Variants in LARGE1 observed in about 807,000 individuals in gnomAD.
LARGE1 encodes the protein xylosyl- and glucuronyltransferase LARGE1.
In LARGE1, 43 loss-of-function variants were observed where a neutral mutation model predicts 87.6. The ratio of observed to expected loss-of-function variants is 0.49; its 90% CI spans 0.38 to 0.63. LARGE1 has a LOEUF of 0.63. Ranked by LOEUF, LARGE1 falls within the 30% of genes least tolerant of loss-of-function variation. The probability of loss-of-function intolerance (pLI) is 0.00; values close to 1 mark genes in which losing one functional copy is unlikely to be tolerated. For missense variants in LARGE1, 802 were observed against 1,000.2 expected (o/e 0.80, Z 2.67); for synonymous variants, 434 against 394.6 (o/e 1.10, Z -1.18).
At chr22:33,195,756 C>CG (rs1924036220) in intron 11 of LARGE1, among the ~76,000 whole-genome samples, 1 of 130,734 alleles carries the variant, frequency 7.6e-6, no homozygotes, top group South Asian at 2.5e-4. Context: ...TTTCTTTTTT[C>CG]TTTTTTTTTT....
chr22:33,306,861 C>CA (rs200525916), intron 11 of LARGE1, among the ~76,000 whole-genome samples: 28,971 of 101,044 alleles, frequency 0.29, 4,439 homozygotes, highest in African/African-American at 0.5. Context: ...GAATCTGTCT[C>CA]AAAAAAAAAA....
chr22:33,283,057 T>C (rs1930768317), intron 13 of LARGE1, 145 bp downstream of exon 13: 4 of 1,000,402 alleles, frequency 4.0e-6, no homozygotes, highest in Non-Finnish European at 4.8e-6. Context: ...ACAAGGACGT[T>C]GTCTGGAGAA....
At chr22:33,844,995 G>A (rs9609877) in intron 1 of LARGE1, among the ~76,000 whole-genome samples, 24,886 of 151,822 alleles carry the variant, frequency 0.16, 2,156 homozygotes, top group Middle Eastern at 0.25. Context: ...TGGGATTACA[G>A]ACGTGAGCTA....
At chr22:33,399,228 C>G (rs780166020) in intron 7 of LARGE1, among the ~76,000 whole-genome samples, 2 of 151,720 alleles carry the variant, frequency 1.3e-5, no homozygotes, top group Non-Finnish European at 2.9e-5. Flanking sequence ...CGAGTGAGAA[C>G]AGGTGGTACT....
intron 1 of LARGE1, among the ~76,000 whole-genome samples, chr22:33,863,699 C>T (rs542971236): frequency 2.8e-4 from 42 of 151,034 alleles, no homozygotes; most frequent in African/African-American, 9.3e-4. Flanking sequence ...ACCCAGGAGG[C>T]GGAGGTTGCA....
the LARGE1 span, among the ~76,000 whole-genome samples, chr22:33,130,301 G>C: frequency 9.1e-5 from 8 of 87,612 alleles, no homozygotes. Flanking sequence ...GCGAAAGAGT[G>C]AGATTCCGTC....
chr22:33,123,809 G>A, the LARGE1 span, among the ~76,000 whole-genome samples: 2,673 of 152,298 alleles, frequency 0.018, 87 homozygotes, highest in African/African-American at 0.061. Flanking sequence ...CTGTCTGCAG[G>A]AGCCAAAATG....
chr22:33,779,429 G>A (rs993345285), intron 1 of LARGE1, among the ~76,000 whole-genome samples: 3 of 152,220 alleles, frequency 2.0e-5, no homozygotes, highest in Admixed American at 6.5e-5. Flanking sequence ...CTTGTAATCT[G>A]GCACCCAGCA....
Position 33,461,651 on chromosome 22 carries a change from A to G in LARGE1, c.788-29386T>C, listed in dbSNP as rs185853688. ...CATGTACCCTAGAACTTAAAGTATA[A>G]TTTAAAAAAAAAAAGAAAAAAGAAA... On this transcript the variant is annotated intron_variant, in intron 6 of 14. Coordinates refer to ENST00000397394, the MANE Select transcript of LARGE1 (RefSeq NM_133642.5). Among the ~76,000 whole-genome samples the G allele has an allele frequency of 2.0e-3, 295 of 151,012 alleles. 2 individuals are homozygous for G. The highest frequency in any genetic ancestry group is 3.3e-3 in the Non-Finnish European group (227 of 67,798).
intron 7 of LARGE1, among the ~76,000 whole-genome samples, chr22:33,396,452 A>G (rs2065743313): frequency 6.9e-6 from 1 of 144,608 alleles, no homozygotes; most frequent in African/African-American, 2.7e-5. Context: ...AGTGAGAGAC[A>G]GAGAGAGTGA....
chr22:33,394,210 T>C lies in LARGE1; in HGVS notation c.893-9906A>G, dbSNP rs1042785440. On this transcript the variant is annotated intron_variant, in intron 7 of 14. Coordinates refer to ENST00000397394, the MANE Select transcript of LARGE1 (RefSeq NM_133642.5). Reference sequence around the variant, plus strand: ...ATGACCTCTGATTCTTTTTTTTTTTTTTTTTTGAGACAGAGTCTCGCTCTG... The same window carrying C: ...ATGACCTCTGATTCTTTTTTTTTTTCTTTTTTGAGACAGAGTCTCGCTCTG... Among the ~76,000 whole-genome samples the C allele has an allele frequency of 2.3e-3, 342 of 151,020 alleles. 1 individual carries two copies. The highest frequency in any genetic ancestry group is 8.1e-3 in the African/African-American group (332 of 41,212).
intron 11 of LARGE1, among the ~76,000 whole-genome samples, chr22:33,229,584 A>C (rs1925903889): frequency 6.6e-6 from 1 of 152,164 alleles, no homozygotes; most frequent in African/African-American, 2.4e-5. Flanking sequence ...TAAGGAAATA[A>C]AGTAGAATTT....
chr22:33,469,280 C>G (rs2068735331), intron 6 of LARGE1, among the ~76,000 whole-genome samples: 2 of 152,162 alleles, frequency 1.3e-5, no homozygotes, highest in Non-Finnish European at 2.9e-5. Flanking sequence ...TGGAATCAAC[C>G]TAGATGCCCA....
intron 5 of LARGE1, among the ~76,000 whole-genome samples, chr22:33,595,502 G>C (rs542539884): frequency 6.6e-6 from 1 of 152,324 alleles, no homozygotes; most frequent in East Asian, 1.9e-4. Context: ...GCACATTTAA[G>C]CAAGTCAGCA....
chr22:33,774,536 T>C (rs765686722), intron 1 of LARGE1, among the ~76,000 whole-genome samples: 1 of 149,996 alleles, frequency 6.7e-6, no homozygotes, highest in Non-Finnish European at 1.5e-5. Flanking sequence ...TTTGTATTTT[T>C]AGTAGAGATG....
chr22:33,891,923 G>A (rs182036580), intron 1 of LARGE1, among the ~76,000 whole-genome samples: 55 of 152,234 alleles, frequency 3.6e-4, no homozygotes, highest in African/African-American at 1.3e-3. Context: ...TAGGATCCTA[G>A]TCTAATAGTT....
chr22:33,461,613 T>G (rs1190287795), intron 6 of LARGE1, among the ~76,000 whole-genome samples: 2 of 147,296 alleles, frequency 1.4e-5, no homozygotes, highest in Non-Finnish European at 3.0e-5. Flanking sequence ...GTAACAAACC[T>G]GCATGTTGTG....
At chr22:33,732,584 G>GAC (rs2083510025) in intron 2 of LARGE1, 1 of 152,338 alleles carries the variant, frequency 6.6e-6, no homozygotes, top group Admixed American at 6.5e-5. Flanking sequence ...TTGAGTCACT[G>GAC]ACACATGCAC....
chr22:33,599,395 T>A (rs2079059097), intron 5 of LARGE1, among the ~76,000 whole-genome samples: 2 of 152,042 alleles, frequency 1.3e-5, no homozygotes, highest in Admixed American at 6.5e-5. Flanking sequence ...AGGAGCTGCA[T>A]GTTTTGAGTG....
Sources: allele counts gnomAD v4.1 joint callset (sites outside exome capture counted in the v4.1 genomes callset), GRCh38; gene constraint gnomAD v4.1.1; transcripts MANE v1.5; gene names NCBI Gene and HGNC (gene_info 2026-07-23, HGNC 2026-07-21).